RBFOX1: variants seen among roughly 807,000 people sequenced by gnomAD.
RBFOX1 encodes RNA binding fox-1 homolog 1.
In RBFOX1, 8 loss-of-function variants were observed where a neutral mutation model predicts 57.7. The ratio of observed to expected loss-of-function variants is 0.14; its 90% CI spans 0.08 to 0.25. The LOEUF (loss-of-function observed/expected upper bound fraction) is 0.25, where lower values mean the gene tolerates loss of function less well. Ranked by LOEUF, RBFOX1 falls within the 10% of genes least tolerant of loss-of-function variation. The pLI is 1.00. For missense variants in RBFOX1, 611 were observed against 548.5 expected (o/e 1.11, Z -1.14); for synonymous variants, 326 against 222.4 (o/e 1.47, Z -4.15).
intron 4 of RBFOX1, among the ~76,000 whole-genome samples, chr16:7,491,829 G>T (rs1252299947): frequency 6.6e-6 from 1 of 152,040 alleles, no homozygotes; most frequent in Non-Finnish European, 1.5e-5. Context: ...ACATGTCCTT[G>T]TATTTAACAG....
At chr16:6,445,618 C>G (rs1026889928) in intron 2 of RBFOX1, among the ~76,000 whole-genome samples, 1 of 126,696 alleles carries the variant, frequency 7.9e-6, no homozygotes, top group African/African-American at 3.0e-5. Flanking sequence ...GAGCCTTACT[C>G]TGTTGCCAGG....
At chr16:7,622,705 T>G (rs1368401278) in intron 10 of RBFOX1, among the ~76,000 whole-genome samples, 1 of 152,180 alleles carries the variant, frequency 6.6e-6, no homozygotes, top group Non-Finnish European at 1.5e-5. Flanking sequence ...CAGATGCGCT[T>G]CAGGGCCCCT....
At chr16:5,679,807 C>A (rs1310453751) in intron 3 of RBFOX1, among the ~76,000 whole-genome samples, 1 of 152,164 alleles carries the variant, frequency 6.6e-6, no homozygotes, top group Non-Finnish European at 1.5e-5. Flanking sequence ...CTCCTTCTCT[C>A]CAAATTTCTG....
At chr16:6,723,765 G>T (rs2154166470) in intron 3 of RBFOX1, 1 of 152,166 alleles carries the variant, frequency 6.6e-6, no homozygotes, top group Non-Finnish European at 1.5e-5. Context: ...ACAGGAACCT[G>T]GTGATGAGGC....
chr16:6,784,184 AT>A (rs1337114714), intron 3 of RBFOX1, among the ~76,000 whole-genome samples: 6 of 151,762 alleles, frequency 4.0e-5, no homozygotes, highest in African/African-American at 7.3e-5. Flanking sequence ...GTTGTCTGTT[AT>A]TTTTTTGAAT....
intron 3 of RBFOX1, among the ~76,000 whole-genome samples, chr16:5,642,857 C>T (rs1279307502): frequency 6.6e-6 from 1 of 152,172 alleles, no homozygotes; most frequent in Non-Finnish European, 1.5e-5. Flanking sequence ...CCTGATGACT[C>T]TGTGGCCCCT....
At chr16:6,020,080 C>T (rs1044988805) in intron 1 of RBFOX1, 88 bp downstream of exon 1, 7 of 1,314,836 alleles carry the variant, frequency 5.3e-6, no homozygotes, top group African/African-American at 1.5e-5. Context: ...GCGCTAGGTC[C>T]CCGAGAACTG....
intron 3 of RBFOX1, among the ~76,000 whole-genome samples, chr16:6,740,403 C>G (rs577738875): frequency 1.3e-5 from 2 of 151,930 alleles, no homozygotes; most frequent in East Asian, 1.9e-4. Flanking sequence ...TGCAATAAGA[C>G]AAGAAATATA....
chr16:7,131,607 G>C (rs528490570), intron 4 of RBFOX1, among the ~76,000 whole-genome samples: 1 of 151,758 alleles, frequency 6.6e-6, no homozygotes, highest in Admixed American at 6.6e-5. Flanking sequence ...AGTCTTTCCT[G>C]AATACCATCC....
chr16:6,587,017 T>C (rs917551679), intron 2 of RBFOX1, among the ~76,000 whole-genome samples: 1 of 152,130 alleles, frequency 6.6e-6, no homozygotes, highest in East Asian at 1.9e-4. Context: ...TTATTGTGTG[T>C]GTGTGTGTGT....
chr16:6,828,050 G>T (rs2092364301), intron 3 of RBFOX1, among the ~76,000 whole-genome samples: 1 of 152,108 alleles, frequency 6.6e-6, no homozygotes, highest in East Asian at 1.9e-4. Flanking sequence ...AAACCCTTGA[G>T]AAAATGATTA....
chr16:7,471,719 C>T (rs144823140), intron 4 of RBFOX1, among the ~76,000 whole-genome samples: 64 of 152,160 alleles, frequency 4.2e-4, no homozygotes, highest in Non-Finnish European at 8.4e-4. Context: ...ATTTTCTTGC[C>T]CTCAGTGGAT....
intron 3 of RBFOX1, among the ~76,000 whole-genome samples, chr16:6,874,780 G>C (rs143887464): frequency 1.4e-3 from 216 of 152,226 alleles, no homozygotes; most frequent in African/African-American, 4.7e-3. Flanking sequence ...TTGAGGGGAA[G>C]GGTGGGAGGT....
intron 4 of RBFOX1, among the ~76,000 whole-genome samples, chr16:5,951,632 C>G (rs1228365775): frequency 6.6e-6 from 1 of 152,048 alleles, no homozygotes; most frequent in Non-Finnish European, 1.5e-5. Flanking sequence ...AACCCCCACA[C>G]CACTTATCAG....
At chr16:7,438,895 TC>T (rs918163767) in intron 4 of RBFOX1, among the ~76,000 whole-genome samples, 3 of 151,854 alleles carry the variant, frequency 2.0e-5, no homozygotes, top group South Asian at 4.2e-4. Context: ...ACTGCATGAA[TC>T]CCCCCCTTCA....
intron 2 of RBFOX1, among the ~76,000 whole-genome samples, chr16:6,586,720 C>T (rs776680343): frequency 3.2e-4 from 48 of 152,236 alleles, no homozygotes; most frequent in Non-Finnish European, 5.1e-4. Flanking sequence ...AGGAGCCTGA[C>T]GGCAAAGAGA....
At chr16:5,293,584 T>C (rs2063587291) in intron 1 of RBFOX1, among the ~76,000 whole-genome samples, 1 of 152,208 alleles carries the variant, frequency 6.6e-6, no homozygotes, top group Non-Finnish European at 1.5e-5. Context: ...ACTTCCATTG[T>C]ATGGATATAG....
chr16:7,709,404 A>ATAATT, intron 15 of RBFOX1: 1 of 1,277,266 alleles, frequency 7.8e-7, no homozygotes. Context: ...AGTCATTTTG[A>ATAATT]TAATTAAATC....
chr16:7,338,878 C>A (rs766843846), intron 4 of RBFOX1, among the ~76,000 whole-genome samples: 1 of 152,110 alleles, frequency 6.6e-6, no homozygotes, highest in Non-Finnish European at 1.5e-5. Context: ...GATATTGCTG[C>A]CCTGCGATTT....
Sources: allele counts gnomAD v4.1 joint callset (sites outside exome capture counted in the v4.1 genomes callset), GRCh38; gene constraint gnomAD v4.1.1; transcripts MANE v1.5; gene names NCBI Gene and HGNC (gene_info 2026-07-23, HGNC 2026-07-21).